Variants in ZNF804B observed in about 807,000 individuals in gnomAD.
ZNF804B encodes the protein zinc finger 804B.
ZNF804B carries 80 observed loss-of-function variants against 101.4 expected under a neutral mutation model. The ratio of observed to expected loss-of-function variants is 0.79; its 90% CI spans 0.66 to 0.95. The LOEUF (loss-of-function observed/expected upper bound fraction) is 0.95. Among genes scored for constraint, ZNF804B ranks in the 40% least tolerant of loss-of-function variants. ZNF804B has a pLI of 0.00. For synonymous variants in ZNF804B, 622 were observed against 558.8 expected, an observed-to-expected ratio of 1.11 and a Z score of -1.59; for missense variants, 1,673 against 1,561.9, an observed-to-expected ratio of 1.07 and a Z score of -1.20.
At chr7:89,281,100 T>G (rs1475903754) in intron 2 of ZNF804B, among the ~76,000 whole-genome samples, 1 of 152,216 alleles carries the variant, frequency 6.6e-6, no homozygotes, top group Non-Finnish European at 1.5e-5. Flanking sequence ...TATATCCTGT[T>G]GTTCATGGAT....
At chr7:88,964,655 TAAC>T (rs761964673) in intron 1 of ZNF804B, among the ~76,000 whole-genome samples, 10 of 151,502 alleles carry the variant, frequency 6.6e-5, no homozygotes, top group Admixed American at 1.3e-4. Flanking sequence ...ATTGTAAACT[TAAC>T]AACAGTTAAA....
chr7:88,872,905 T>C (rs1484999499), intron 1 of ZNF804B, among the ~76,000 whole-genome samples: 1 of 151,714 alleles, frequency 6.6e-6, no homozygotes, highest in Non-Finnish European at 1.5e-5. Context: ...GTCTTTGCTA[T>C]TGTGAATAAT....
At chr7:89,016,829 T>C (rs1788571464) in intron 1 of ZNF804B, among the ~76,000 whole-genome samples, 1 of 152,224 alleles carries the variant, frequency 6.6e-6, no homozygotes, top group Non-Finnish European at 1.5e-5. Context: ...GGCTCCTTTT[T>C]GGTTCCGTAT....
chr7:89,011,811 C>G (rs577738319), intron 1 of ZNF804B, among the ~76,000 whole-genome samples: 1 of 152,234 alleles, frequency 6.6e-6, no homozygotes, highest in Non-Finnish European at 1.5e-5. Context: ...TGTAGCTTTA[C>G]TAGGTGCACA....
At chr7:88,944,159 T>C (rs142726977) in intron 1 of ZNF804B, among the ~76,000 whole-genome samples, 27 of 151,926 alleles carry the variant, frequency 1.8e-4, no homozygotes, top group African/African-American at 6.5e-4. Context: ...TGTTTAACAT[T>C]GTACTGGTAT....
chr7:89,227,384 C>A (rs117911258), intron 2 of ZNF804B, among the ~76,000 whole-genome samples: 1 of 152,156 alleles, frequency 6.6e-6, no homozygotes, highest in African/African-American at 2.4e-5. Flanking sequence ...AAAAATTGGT[C>A]TAGTGCCTTC....
chr7:88,922,153 T>G (rs1320202884), intron 1 of ZNF804B, among the ~76,000 whole-genome samples: 4 of 152,046 alleles, frequency 2.6e-5, no homozygotes, highest in Non-Finnish European at 5.9e-5. Flanking sequence ...TTAGTCCCAT[T>G]CTGTTACTGT....
At chr7:88,951,473 C>T (rs1411421363) in intron 1 of ZNF804B, among the ~76,000 whole-genome samples, 1 of 151,716 alleles carries the variant, frequency 6.6e-6, no homozygotes, top group East Asian at 2.0e-4. Flanking sequence ...TGCGCACGCG[C>T]ACGCACATAT....
chr7:89,063,861 C>T (rs944888493), intron 1 of ZNF804B, among the ~76,000 whole-genome samples: 83 of 152,154 alleles, frequency 5.5e-4, no homozygotes, highest in African/African-American at 1.7e-3. Context: ...GGACTGTCCT[C>T]GGTGTTGGTT....
At chr7:88,882,861 G>A (rs145536330) in intron 1 of ZNF804B, among the ~76,000 whole-genome samples, 8 of 152,104 alleles carry the variant, frequency 5.3e-5, no homozygotes, top group Non-Finnish European at 7.4e-5. Context: ...CTATTACAGC[G>A]GGGAAGGAGG....
chr7:89,122,052 T>G (rs1240546477), intron 1 of ZNF804B, among the ~76,000 whole-genome samples: 1 of 151,474 alleles, frequency 6.6e-6, no homozygotes, highest in East Asian at 1.9e-4. Context: ...ATGCTATATG[T>G]TAAATTATGT....
intron 1 of ZNF804B, among the ~76,000 whole-genome samples, chr7:89,113,406 A>G (rs1365287526): frequency 2.0e-5 from 3 of 152,202 alleles, no homozygotes. Context: ...GTGAAAGCGC[A>G]AGGGGAAACC....
chr7:89,228,365 C>G lies in ZNF804B; in HGVS notation c.249+10070C>G, dbSNP rs528154094. Among the ~76,000 whole-genome samples the G allele has an allele frequency of 8.9e-4, 135 of 152,248 alleles. 1 individual carries two copies. The highest frequency in any genetic ancestry group is 1.4e-3 in the Non-Finnish European group (92 of 68,006). ...CTTTTATTCTCTTATCTGGCCCCAC[C>G]CACATCCTGCTGATTGGTAGAGCCG... On this transcript the variant is annotated intron_variant, in intron 2 of 3. Transcript: ENST00000333190.
intron 2 of ZNF804B, among the ~76,000 whole-genome samples, chr7:89,237,538 T>C (rs774880944): frequency 1.3e-5 from 2 of 152,216 alleles, no homozygotes; most frequent in Non-Finnish European, 2.9e-5. Flanking sequence ...TTTATTTTTC[T>C]TATCTTGATT....
chr7:89,079,154 A>G (rs924524876), intron 1 of ZNF804B, among the ~76,000 whole-genome samples: 4 of 152,098 alleles, frequency 2.6e-5, no homozygotes, highest in African/African-American at 9.7e-5. Context: ...GCCACAAAAT[A>G]TAGAGGCACC....
At chr7:89,030,087 T>C (rs1370864952) in intron 1 of ZNF804B, among the ~76,000 whole-genome samples, 1 of 152,084 alleles carries the variant, frequency 6.6e-6, no homozygotes. Flanking sequence ...CAGAAGGAAG[T>C]CAACACAGTC....
intron 2 of ZNF804B, among the ~76,000 whole-genome samples, chr7:89,272,768 T>C (rs1416716882): frequency 2.0e-5 from 3 of 152,168 alleles, no homozygotes; most frequent in Admixed American, 2.0e-4. Context: ...AAAGTTTTCT[T>C]AAAAGAAACA....
intron 1 of ZNF804B, among the ~76,000 whole-genome samples, chr7:89,216,213 G>C (rs527699532): frequency 5.9e-5 from 9 of 152,106 alleles, no homozygotes; most frequent in African/African-American, 1.7e-4. Flanking sequence ...GGGCTGAGAC[G>C]GGAGAATCGC....
At chr7:89,060,301 CT>C (rs1297176244) in intron 1 of ZNF804B, among the ~76,000 whole-genome samples, 1 of 152,168 alleles carries the variant, frequency 6.6e-6, no homozygotes, top group East Asian at 1.9e-4. Context: ...AATATCATTT[CT>C]TCTTACTGTA....
Sources: allele counts gnomAD v4.1 joint callset (sites outside exome capture counted in the v4.1 genomes callset), GRCh38; gene constraint gnomAD v4.1.1; transcripts MANE v1.5; gene names NCBI Gene and HGNC (gene_info 2026-07-23, HGNC 2026-07-21).